TMEM154: variants seen among roughly 807,000 people sequenced by gnomAD.
TMEM154 encodes transmembrane protein 154.
A neutral mutation model predicts 24.5 loss-of-function variants in TMEM154; 27 were observed. That is an observed-to-expected ratio of 1.10 (90% CI 0.81 to 1.52). The LOEUF (loss-of-function observed/expected upper bound fraction) is 1.52. TMEM154 is among the 40% of genes most tolerant of loss of function. The pLI, the probability that TMEM154 is intolerant of heterozygous loss-of-function variation, is 0.00. For missense variants in TMEM154, 228 were observed against 213.4 expected (o/e 1.07, Z -0.43); for synonymous variants, 67 against 76.8 (o/e 0.87, Z 0.67).
At chr4:152,640,895 A>C in intron 6 of TMEM154, 33 bp downstream of exon 6, 1 of 1,186,474 alleles carries the variant, frequency 8.4e-7, no homozygotes, top group Non-Finnish European at 1.2e-6. Context: ...CCCCCGCCAT[A>C]TACATGTAAT....
chr4:152,661,328 CT>C (rs1728604845), intron 1 of TMEM154, among the ~76,000 whole-genome samples: 2 of 143,252 alleles, frequency 1.4e-5, no homozygotes, highest in African/African-American at 2.7e-5. Context: ...CTCTCTCTCT[CT>C]CTCTCTCTCT....
intron 1 of TMEM154, among the ~76,000 whole-genome samples, chr4:152,661,419 G>C (rs916366228): frequency 1.3e-5 from 2 of 149,798 alleles, no homozygotes; most frequent in African/African-American, 4.9e-5. Flanking sequence ...TGTGCTAGCT[G>C]CTAGGATACA....
At position 152,631,569 on chromosome 4, in the gene TMEM154, A is replaced by T. The variant is rs116550010; in HGVS notation, c.537-3008T>A. Reference sequence around the variant, plus strand: ...CCACCTCATCTCCCCTTCCCCCAGTAGCTGGGACTACAGTTGTGTGCCACA... The same window carrying T: ...CCACCTCATCTCCCCTTCCCCCAGTTGCTGGGACTACAGTTGTGTGCCACA... On this transcript the variant is annotated intron_variant, in intron 6 of 6. Coordinates refer to ENST00000304385, the MANE Select transcript of TMEM154 (RefSeq NM_152680.3). Among the ~76,000 whole-genome samples the T allele has an allele frequency of 8.9e-3, 1,344 of 151,404 alleles. 8 individuals carry two copies. Among genetic ancestry groups the T allele is most frequent in the Middle Eastern group, 0.024 (7 of 292 alleles).
intron 4 of TMEM154, 54 bp from the exon 5 acceptor site, chr4:152,643,227 T>C (rs1285435776): frequency 1.5e-6 from 2 of 1,325,550 alleles, no homozygotes; most frequent in Non-Finnish European, 2.1e-6. Context: ...GATGCCTAAT[T>C]TCATTTGGAA....
rs953363506 is a variant in TMEM154 at position 152,671,933 on chromosome 4, T to C, written c.64+7937A>G. ...GATAGGTCTGGCTGGAGGTGGTTAT[T>C]TGGGAATCCCCAACCCAGGGGTGAG... On this transcript the variant is annotated intron_variant, in intron 1 of 6. Transcript: ENST00000304385. Among the ~76,000 whole-genome samples the C allele has an allele frequency of 2.0e-5, 3 of 150,938 alleles. No individual in the cohort carries two copies. The East Asian group carries it at 5.8e-4, about 29-fold the overall frequency.
intron 1 of TMEM154, among the ~76,000 whole-genome samples, chr4:152,665,900 A>G (rs887272472): frequency 2.5e-4 from 37 of 147,030 alleles, no homozygotes; most frequent in African/African-American, 8.4e-4. Flanking sequence ...CAAACCTCCC[A>G]CCTCAGCCCA....
chr4:152,673,431 G>A (rs1029780315), intron 1 of TMEM154, among the ~76,000 whole-genome samples: 1 of 152,132 alleles, frequency 6.6e-6, no homozygotes, highest in Non-Finnish European at 1.5e-5. Context: ...CTCCCGAGTA[G>A]CTGGGACTAC....
chr4:152,640,776 C>T lies in TMEM154; in HGVS notation c.536+152G>A, dbSNP rs1356653701. 6.4e-6 allele frequency: 4 copies of T among 623,102 alleles called. No homozygotes were observed. In the South Asian group the frequency reaches 8.0e-5, roughly 13 times the overall value. The allele number at this position is 623,102 out of a possible 1,614,324, so 38.6% of individuals were successfully genotyped here. On this transcript the variant is annotated intron_variant, in intron 6 of 6. Coordinates refer to ENST00000304385, the MANE Select transcript of TMEM154 (RefSeq NM_152680.3). ...CCTTCTATTTTCTGTAACACACTTC[C>T]TCTTCTCCACACTATGCACATATCC...
At chr4:152,643,344 A>G (rs924029075) in intron 4 of TMEM154, among the ~76,000 whole-genome samples, 171 bp from the exon 5 acceptor site, 1 of 151,606 alleles carries the variant, frequency 6.6e-6, no homozygotes, top group African/African-American at 2.4e-5. Context: ...TTTAATAGGA[A>G]GAAAGGCTAC....
At chr4:152,673,252 C>CT (rs1207484297) in intron 1 of TMEM154, among the ~76,000 whole-genome samples, 1 of 151,344 alleles carries the variant, frequency 6.6e-6, no homozygotes, top group East Asian at 1.9e-4. Context: ...CATAGTAATC[C>CT]TTTTTTTCTT....
At chr4:152,644,284 T>A (rs1752311690) in intron 4 of TMEM154, 131 bp downstream of exon 4, 4 of 987,544 alleles carry the variant, frequency 4.1e-6, no homozygotes, top group Admixed American at 2.0e-5. Context: ...CTGCCAAGGA[T>A]CTCCAACCCC....
At chr4:152,647,351 C>T in intron 3 of TMEM154, 1 of 984,772 alleles carries the variant, frequency 1.0e-6, no homozygotes, top group Non-Finnish European at 1.2e-6. Context: ...AAATTTTGCT[C>T]ATGTAAATAT....
In TMEM154 at chr4:152,618,694, C is replaced by T. The variant is rs1338503048; in HGVS notation, c.*9852G>A. 2 of 152,194 alleles carry T rather than the reference C, an allele frequency of 1.3e-5. No homozygotes were observed. Among genetic ancestry groups the T allele is most frequent in the Non-Finnish European group, 2.9e-5 (2 of 68,040 alleles). The allele number at this position is 152,194 out of a possible 1,614,324, so 9.4% of individuals were successfully genotyped here. On this transcript the variant is annotated 3_prime_UTR_variant, in exon 7 of 7. Transcript: ENST00000304385. Reference sequence around the variant, plus strand: ...AGGCTCCATCCCCAGTTTTCCTTCACCTTCCAAATTGGGGCCACTTTCTCT... The same window carrying T: ...AGGCTCCATCCCCAGTTTTCCTTCATCTTCCAAATTGGGGCCACTTTCTCT...
At chr4:152,636,144 T>C (rs572031408) in intron 6 of TMEM154, among the ~76,000 whole-genome samples, 1 of 152,242 alleles carries the variant, frequency 6.6e-6, no homozygotes, top group South Asian at 2.1e-4. Context: ...TGGGAGGGTG[T>C]TGTGAGTGTG....
intron 1 of TMEM154, among the ~76,000 whole-genome samples, chr4:152,674,060 A>C (rs1210531101): frequency 1.3e-5 from 2 of 152,116 alleles, no homozygotes; most frequent in African/African-American, 4.8e-5. Flanking sequence ...ACACCTAGAA[A>C]TGTTGAATAA....
chr4:152,646,623 T>C (rs1331224649), intron 3 of TMEM154: 2 of 270,168 alleles, frequency 7.4e-6, no homozygotes, highest in Non-Finnish European at 7.0e-6. Context: ...TATTCCATTT[T>C]CCCTCCAACA....
intron 6 of TMEM154, among the ~76,000 whole-genome samples, chr4:152,634,970 C>A (rs1464605217): frequency 6.6e-6 from 1 of 152,088 alleles, no homozygotes; most frequent in Non-Finnish European, 1.5e-5. Context: ...TTTTTACTTA[C>A]AATGTGTCTC....
At chr4:152,678,329 C>A (rs1311208810) in intron 1 of TMEM154, among the ~76,000 whole-genome samples, 1 of 151,860 alleles carries the variant, frequency 6.6e-6, no homozygotes, top group Non-Finnish European at 1.5e-5. Flanking sequence ...ATTGCAGACA[C>A]TAGGACTCAA....
intron 1 of TMEM154, among the ~76,000 whole-genome samples, chr4:152,660,383 C>G (rs191401093): frequency 3.3e-5 from 5 of 151,466 alleles, no homozygotes; most frequent in South Asian, 4.2e-4. Context: ...CCCGCCCCCC[C>G]CTCACTTTAC....
Sources: allele counts gnomAD v4.1 joint callset (sites outside exome capture counted in the v4.1 genomes callset), GRCh38; gene constraint gnomAD v4.1.1; transcripts MANE v1.5; gene names NCBI Gene and HGNC (gene_info 2026-07-23, HGNC 2026-07-21).